TLN2: variants seen among roughly 807,000 people sequenced by gnomAD.
The protein encoded by TLN2 is talin 2.
TLN2 carries 118 observed loss-of-function variants against 294.7 expected under a neutral mutation model. The ratio of observed to expected loss-of-function variants is 0.40; its 90% CI spans 0.34 to 0.47. The LOEUF is 0.47. Ranked by LOEUF, TLN2 falls within the 20% of genes least tolerant of loss-of-function variation. The pLI is 0.84. For missense variants in TLN2, 3,083 were observed against 3,282.2 expected (o/e 0.94, Z 1.48); for synonymous variants, 1,431 against 1,304.5 (o/e 1.10, Z -2.09).
rs114453631 is a variant in TLN2 at position 62,592,386 on chromosome 15, G to C, written c.-162+2624G>C. On this transcript the variant is annotated intron_variant, in intron 2 of 58. Transcript: ENST00000636159. Reference sequence around the variant, plus strand: ...CAGACTTACCTAGTTGTTTTCTGTTGTGTCAACTCTCGGTTTGCTGCCTAA... The same window carrying C: ...CAGACTTACCTAGTTGTTTTCTGTTCTGTCAACTCTCGGTTTGCTGCCTAA... 6.2e-3 allele frequency among the ~76,000 whole-genome samples: 943 copies of C among 152,256 alleles called. 15 individuals carry two copies. Among genetic ancestry groups the C allele is most frequent in the African/African-American group, 0.021 (881 of 41,536 alleles).
intron 3 of TLN2, among the ~76,000 whole-genome samples, chr15:62,643,719 T>C (rs975825089): frequency 1.3e-5 from 2 of 152,088 alleles, no homozygotes; most frequent in Non-Finnish European, 2.9e-5. Flanking sequence ...AGAGGGGAAT[T>C]GACATGTCCA....
chr15:62,708,261 G>T (rs964535664), intron 20 of TLN2, among the ~76,000 whole-genome samples: 6 of 151,944 alleles, frequency 3.9e-5, no homozygotes, highest in African/African-American at 1.4e-4. Flanking sequence ...TGTGACTAAT[G>T]AAGTTATAAA....
chr15:62,506,952 G>A (rs894426189), intron 1 of TLN2, among the ~76,000 whole-genome samples: 1 of 152,056 alleles, frequency 6.6e-6, no homozygotes, highest in African/African-American at 2.4e-5. Context: ...CATATGTGAA[G>A]TGAATGACAA....
At chr15:62,530,261 A>G (rs1010097182) in intron 1 of TLN2, among the ~76,000 whole-genome samples, 1 of 152,254 alleles carries the variant, frequency 6.6e-6, no homozygotes, top group African/African-American at 2.4e-5. Context: ...TTGTGAATTT[A>G]TATTTAGGAG....
chr15:62,517,075 A>G (rs1213953046), intron 1 of TLN2, among the ~76,000 whole-genome samples: 1 of 152,222 alleles, frequency 6.6e-6, no homozygotes, highest in East Asian at 1.9e-4. Flanking sequence ...CGGATGAAAG[A>G]GCTAATAATA....
chr15:62,792,606 G>A (rs780788298), intron 45 of TLN2, 35 bp from the exon 46 acceptor site: 32 of 1,606,282 alleles, frequency 2.0e-5, no homozygotes, highest in Non-Finnish European at 2.3e-5. Context: ...AGTCCATCAC[G>A]CTTCTCCTTC....
chr15:62,482,567 A>G (rs1351670323), intron 1 of TLN2, among the ~76,000 whole-genome samples: 1 of 141,176 alleles, frequency 7.1e-6, no homozygotes, highest in African/African-American at 2.7e-5. Flanking sequence ...GTGCCATCGC[A>G]CTCCAGCCTG....
chr15:62,608,045 G>A (rs561509396), intron 2 of TLN2, among the ~76,000 whole-genome samples: 5 of 152,236 alleles, frequency 3.3e-5, no homozygotes, highest in Admixed American at 6.5e-5. Flanking sequence ...ATACTTTGGC[G>A]TATCTGAAGA....
chr15:62,409,969 T>G (rs2033666930), intron 1 of TLN2, among the ~76,000 whole-genome samples: 1 of 152,106 alleles, frequency 6.6e-6, no homozygotes, highest in Non-Finnish European at 1.5e-5. Context: ...TAGGTCCGGG[T>G]GCAGTGGCTC....
chr15:62,752,319 G>A lies in TLN2; in HGVS notation c.4224G>A (p.Ser1408=), dbSNP rs761319852. 3.7e-6 allele frequency: 6 copies of A among 1,614,128 alleles called. No homozygotes were observed. The highest frequency in any genetic ancestry group is 2.7e-5 in the African/African-American group (2 of 75,044). ...TTGTTTTGCAGGTTCTGGGTGAATC[G>A]ATGGCAGGGATTTCACAGAATGCCA... ...VMENSKVLGE[S]MAGISQNAKT... Residue 1408 remains serine (S), a synonymous_variant, in exon 35 of 59, where the codon TCG becomes TCA. Transcript: ENST00000636159.
At chr15:62,473,543 A>T (rs1446768933) in intron 1 of TLN2, among the ~76,000 whole-genome samples, 2 of 152,178 alleles carry the variant, frequency 1.3e-5, no homozygotes, top group African/African-American at 4.8e-5. Context: ...TTCCTAAACA[A>T]TGTATGCTTT....
chr15:62,677,273 T>G (rs2056318461), intron 11 of TLN2, among the ~76,000 whole-genome samples: 1 of 152,210 alleles, frequency 6.6e-6, no homozygotes, highest in Non-Finnish European at 1.5e-5. Context: ...GGCATCAATT[T>G]CCATTTATTT....
intron 22 of TLN2, among the ~76,000 whole-genome samples, chr15:62,715,151 AG>A (rs2059687122): frequency 6.6e-6 from 1 of 152,274 alleles, no homozygotes; most frequent in African/African-American, 2.4e-5. Flanking sequence ...GGTTGCCAAA[AG>A]AATTCTACCA....
At chr15:62,631,676 C>T (rs1478950416) in intron 3 of TLN2, among the ~76,000 whole-genome samples, 8 of 90,066 alleles carry the variant, frequency 8.9e-5, no homozygotes, top group Admixed American at 4.9e-4. Context: ...TCTCTTTCCT[C>T]CTCTCTTTCT....
chr15:62,670,083 C>T (rs1180048488), intron 9 of TLN2, among the ~76,000 whole-genome samples: 1 of 152,184 alleles, frequency 6.6e-6, no homozygotes, highest in East Asian at 1.9e-4. Context: ...GCATATTCTA[C>T]CCCTGCTGGT....
chr15:62,445,401 T>A (rs1316999036), intron 1 of TLN2, among the ~76,000 whole-genome samples: 1 of 152,188 alleles, frequency 6.6e-6, no homozygotes, highest in African/African-American at 2.4e-5. Context: ...GGTGGAGGAA[T>A]AAGAGGTATC....
intron 1 of TLN2, among the ~76,000 whole-genome samples, chr15:62,430,163 C>G (rs1469004762): frequency 6.6e-6 from 1 of 152,170 alleles, no homozygotes; most frequent in South Asian, 2.1e-4. Flanking sequence ...TATTGGACTT[C>G]TGTTGTAAGC....
At chr15:62,455,525 C>G (rs1197192419) in intron 1 of TLN2, among the ~76,000 whole-genome samples, 1 of 152,152 alleles carries the variant, frequency 6.6e-6, no homozygotes, top group Non-Finnish European at 1.5e-5. Flanking sequence ...GGCCTAGTGT[C>G]GGTTGTGAGC....
chr15:62,698,111 A>C (rs888397074), intron 15 of TLN2, among the ~76,000 whole-genome samples: 1 of 152,108 alleles, frequency 6.6e-6, no homozygotes, highest in South Asian at 2.1e-4. Context: ...CAGGGACAGA[A>C]CTCTGCTCCC....
Sources: allele counts gnomAD v4.1 joint callset (sites outside exome capture counted in the v4.1 genomes callset), GRCh38; gene constraint gnomAD v4.1.1; transcripts MANE v1.5; gene names NCBI Gene and HGNC (gene_info 2026-07-23, HGNC 2026-07-21).